DLGAP1: variants seen among roughly 807,000 people sequenced by gnomAD.
The protein encoded by DLGAP1 is disks large-associated protein 1.
In DLGAP1, 11 loss-of-function variants were observed where a neutral mutation model predicts 90.8. The ratio of observed to expected loss-of-function variants is 0.12; its 90% confidence interval spans 0.08 to 0.20. The LOEUF (loss-of-function observed/expected upper bound fraction) is 0.20. Among genes scored for constraint, DLGAP1 ranks in the 10% least tolerant of loss-of-function variants. The pLI, the probability that DLGAP1 is intolerant of heterozygous loss-of-function variation, is 1.00. For missense variants in DLGAP1, 1,050 were observed against 1,333.8 expected (o/e 0.79, Z 3.31); for synonymous variants, 558 against 540.7 (o/e 1.03, Z -0.44).
chr18:4,000,115 T>C (rs2074152102), intron 3 of DLGAP1, among the ~76,000 whole-genome samples: 1 of 152,172 alleles, frequency 6.6e-6, no homozygotes, highest in African/African-American at 2.4e-5. Context: ...GCACCCAGCC[T>C]CTTTTTGTAT....
At position 4,057,265 on chromosome 18, in the gene DLGAP1, C is replaced by T. The variant is rs141466184; in HGVS notation, c.-158-52064G>A. The stretch of plus-strand genomic sequence containing the variant: ...CTGAAACTGGTGATCAGCAACTTCT[C>T]GATAAGATCTCAGGAGTTGAAGTAC... On this transcript the variant is annotated intron_variant, in intron 2 of 12. Coordinates refer to ENST00000315677, the MANE Select transcript of DLGAP1 (RefSeq NM_004746.4). Among the ~76,000 whole-genome samples the T allele has an allele frequency of 1.3e-3, 192 of 152,184 alleles. 1 individual carries two copies. Among genetic ancestry groups the T allele is most frequent in the African/African-American group, 4.3e-3 (178 of 41,518 alleles).
At chr18:3,630,932 G>A (rs1478586050) in intron 7 of DLGAP1, among the ~76,000 whole-genome samples, 1 of 151,964 alleles carries the variant, frequency 6.6e-6, no homozygotes, top group African/African-American at 2.4e-5. Context: ...AGTTTTAAGT[G>A]AATTGACACC....
chr18:4,173,995 G>C (rs2077064646), intron 1 of DLGAP1, among the ~76,000 whole-genome samples: 1 of 151,972 alleles, frequency 6.6e-6, no homozygotes. Flanking sequence ...CCCCTACCTG[G>C]CCTCCCTTTC....
intron 4 of DLGAP1, among the ~76,000 whole-genome samples, chr18:3,862,088 C>G (rs942182701): frequency 1.3e-5 from 2 of 152,232 alleles, no homozygotes; most frequent in Non-Finnish European, 2.9e-5. Context: ...TTCAATTAAA[C>G]CAGTACCCTG....
rs766890092 is a variant in DLGAP1, at chr18:4,454,442, GTC to G, written c.-267+562_-267+563del. On this transcript the variant is annotated intron_variant, in intron 1 of 12. Transcript: ENST00000315677. This position sits in a 1 kb window ranked among gnomAD's most constrained non-coding sequence, Gnocchi z 4.7. Reference sequence around the variant, plus strand: ...TCTCTCTCTCTGTGCCTGTCTTTGTGTCTCTGTTTCTTTGGCTTTCTCTTACA... The same window carrying G: ...TCTCTCTCTCTGTGCCTGTCTTTGTGTCTGTTTCTTTGGCTTTCTCTTACA... Among the ~76,000 whole-genome samples, 1 of 151,370 alleles carries G rather than the reference GTC, an allele frequency of 6.6e-6. No homozygotes were observed. The highest frequency in any genetic ancestry group is 2.1e-4 in the South Asian group (1 of 4,778).
chr18:4,152,769 A>G (rs1179115520), intron 1 of DLGAP1, among the ~76,000 whole-genome samples: 1 of 152,224 alleles, frequency 6.6e-6, no homozygotes, highest in African/African-American at 2.4e-5. Context: ...AGACGCCATC[A>G]TCAAAAGCTT....
rs1295115727 is a variant in DLGAP1, at chr18:3,582,266, C to G, written c.1592-18G>C. On this transcript the variant is annotated intron_variant, in intron 7 of 12. Transcript: ENST00000315677. ...AGATGACACTGGAAGACAGTGAAAACAAAGACAATGTGATTTCTGCGTGGG... is the reference window on the plus strand; with the variant it reads ...AGATGACACTGGAAGACAGTGAAAAGAAAGACAATGTGATTTCTGCGTGGG... 7 of 1,599,068 alleles carry G rather than the reference C, an allele frequency of 4.4e-6. No individual in the cohort carries two copies. The highest frequency in any genetic ancestry group is 6.0e-6 in the Non-Finnish European group (7 of 1,171,394).
intron 1 of DLGAP1, among the ~76,000 whole-genome samples, chr18:4,166,511 T>C (rs2076935868): frequency 6.6e-6 from 1 of 152,148 alleles, no homozygotes; most frequent in Non-Finnish European, 1.5e-5. Context: ...CCTCAACAAA[T>C]TAAACAGAAT....
In DLGAP1 at chr18:3,874,691, A is replaced by C; in HGVS notation, c.957+4421T>G. 2.6e-6 allele frequency: 4 copies of C among 1,535,208 alleles called. No individual in the cohort carries two copies. The South Asian group carries it at 4.8e-5, about 18-fold the overall frequency. ...CTCAACTGAGAATTAAACAGTTTTA[A>C]TGTCTTCAAATCCATGTTCCTGCTC... is the stretch of plus-strand genomic sequence containing the variant. On this transcript the variant is annotated intron_variant, in intron 4 of 12. Coordinates refer to ENST00000315677, the MANE Select transcript of DLGAP1 (RefSeq NM_004746.4).
At chr18:3,690,814 T>C (rs2060867997) in intron 7 of DLGAP1, among the ~76,000 whole-genome samples, 1 of 152,196 alleles carries the variant, frequency 6.6e-6, no homozygotes, top group Non-Finnish European at 1.5e-5. Context: ...ACCAACAGAA[T>C]TAGGCTCTAC....
At chr18:4,399,657 A>C (rs1413952013) in intron 1 of DLGAP1, among the ~76,000 whole-genome samples, 3 of 152,214 alleles carry the variant, frequency 2.0e-5, no homozygotes, top group Non-Finnish European at 4.4e-5. Flanking sequence ...CAGCACAATT[A>C]ATCCCACAGG....
At chr18:4,314,899 T>C (rs551791942) in intron 1 of DLGAP1, among the ~76,000 whole-genome samples, 1 of 152,226 alleles carries the variant, frequency 6.6e-6, no homozygotes, top group Non-Finnish European at 1.5e-5. Flanking sequence ...CTGACTTCAA[T>C]AATGTAAAGC....
chr18:4,411,836 GA>G (rs2082784581), intron 1 of DLGAP1, among the ~76,000 whole-genome samples: 1 of 152,156 alleles, frequency 6.6e-6, no homozygotes, highest in South Asian at 2.1e-4. Flanking sequence ...TGGGTTCCAA[GA>G]GGAGAAAGAG....
At chr18:4,296,122 T>A (rs1299727776) in intron 1 of DLGAP1, among the ~76,000 whole-genome samples, 2 of 152,202 alleles carry the variant, frequency 1.3e-5, no homozygotes, top group African/African-American at 4.8e-5. Flanking sequence ...TCAAGCAACC[T>A]TCTATGAATC....
intron 1 of DLGAP1, among the ~76,000 whole-genome samples, chr18:4,388,438 G>A (rs144472020): frequency 3.3e-5 from 5 of 152,118 alleles, no homozygotes; most frequent in African/African-American, 7.2e-5. Context: ...GGAGATACTA[G>A]AGCTAGGGGT....
At chr18:3,898,756 C>T (rs993743472) in intron 3 of DLGAP1, among the ~76,000 whole-genome samples, 9 of 152,112 alleles carry the variant, frequency 5.9e-5, no homozygotes, top group Non-Finnish European at 1.3e-4. Context: ...AGAAAAATCA[C>T]GCTTTCCAAC....
intron 5 of DLGAP1, among the ~76,000 whole-genome samples, chr18:3,759,525 G>A (rs951032078): frequency 2.0e-5 from 3 of 151,982 alleles, no homozygotes; most frequent in African/African-American, 7.3e-5. Context: ...AGACTCTTGT[G>A]GCACTTGGAA....
chr18:3,673,478 C>A (rs892231473), intron 7 of DLGAP1, among the ~76,000 whole-genome samples: 2 of 152,208 alleles, frequency 1.3e-5, no homozygotes, highest in African/African-American at 2.4e-5. Context: ...TAGCAGAGAG[C>A]TATTCTAGTA....
chr18:3,561,815 T>C (rs989282979), intron 9 of DLGAP1, among the ~76,000 whole-genome samples: 3 of 151,060 alleles, frequency 2.0e-5, no homozygotes, highest in Admixed American at 2.0e-4. Context: ...GATAAAGACA[T>C]ACCTGATACT....
Sources: allele counts gnomAD v4.1 joint callset (sites outside exome capture counted in the v4.1 genomes callset), GRCh38; gene constraint gnomAD v4.1.1; non-coding constraint Gnocchi (gnomAD v3.1); transcripts MANE v1.5; gene names NCBI Gene and HGNC (gene_info 2026-07-23, HGNC 2026-07-21).